Variants in RASGRF2 observed in about 807,000 individuals in gnomAD.
RASGRF2 encodes ras-specific guanine nucleotide-releasing factor 2.
In RASGRF2, 76 loss-of-function variants were observed where a neutral mutation model predicts 151.0. The ratio of observed to expected loss-of-function variants is 0.50; its 90% CI spans 0.42 to 0.61. The LOEUF is 0.61. Ranked by LOEUF, RASGRF2 falls within the 20% of genes least tolerant of loss-of-function variation. The probability of loss-of-function intolerance (pLI) is 0.00; values close to 1 mark genes in which losing one functional copy is unlikely to be tolerated. For synonymous variants in RASGRF2, 504 were observed against 566.5 expected, an observed-to-expected ratio of 0.89 and a Z score of 1.57; for missense variants, 1,148 against 1,564.6, an observed-to-expected ratio of 0.73 and a Z score of 4.49.
chr5:81,057,515 T>C (rs1266913049), intron 2 of RASGRF2, among the ~76,000 whole-genome samples: 1 of 152,192 alleles, frequency 6.6e-6, no homozygotes, highest in South Asian at 2.1e-4. Context: ...TATGGAGTGA[T>C]GGTGGTTAGG....
rs922999026 is a variant in RASGRF2 at position 81,012,368 on chromosome 5, A to G, written c.289-30509A>G. On this transcript the variant is annotated intron_variant, in intron 1 of 26. Coordinates refer to ENST00000265080, the MANE Select transcript of RASGRF2 (RefSeq NM_006909.3). ...TATCAGTAGTTATTTTTCTTGCTGA[A>G]CAGTTTTCCAGTGCATTAACATACC... 1.1e-3 allele frequency among the ~76,000 whole-genome samples: 162 copies of G among 152,166 alleles called. 2 individuals carry two copies. The highest frequency in any genetic ancestry group is 2.7e-3 in the Admixed American group (42 of 15,276).
intron 18 of RASGRF2, among the ~76,000 whole-genome samples, chr5:81,197,174 T>C (rs1354300564): frequency 6.6e-6 from 1 of 152,140 alleles, no homozygotes; most frequent in Non-Finnish European, 1.5e-5. Flanking sequence ...AGTAAAATAT[T>C]GGCCGGGCGC....
intron 16 of RASGRF2, among the ~76,000 whole-genome samples, 180 bp downstream of exon 16, chr5:81,123,947 C>T (rs1753384504): frequency 6.6e-6 from 1 of 152,344 alleles, no homozygotes; most frequent in Middle Eastern, 3.4e-3. Flanking sequence ...CCATGGGTTT[C>T]ATATCTGTGG....
At chr5:81,007,036 A>C (rs561170477) in intron 1 of RASGRF2, among the ~76,000 whole-genome samples, 1 of 152,298 alleles carries the variant, frequency 6.6e-6, no homozygotes, top group African/African-American at 2.4e-5. Context: ...AGAAGGGTAT[A>C]TAACCATTAA....
chr5:80,975,906 T>C (rs1412706398), intron 1 of RASGRF2, among the ~76,000 whole-genome samples: 1 of 149,044 alleles, frequency 6.7e-6, no homozygotes, highest in East Asian at 2.0e-4. Flanking sequence ...CAGGCTGGAG[T>C]GCAATGGCAC....
chr5:81,196,645 G>C (rs1474257793), intron 18 of RASGRF2, among the ~76,000 whole-genome samples: 4 of 104,762 alleles, frequency 3.8e-5, no homozygotes, highest in African/African-American at 1.5e-4. Context: ...GTTGAGCCCA[G>C]TATGGGGCAC....
At chr5:80,980,685 T>C (rs937048911) in intron 1 of RASGRF2, among the ~76,000 whole-genome samples, 1 of 152,124 alleles carries the variant, frequency 6.6e-6, no homozygotes, top group East Asian at 1.9e-4. Context: ...ATACCACTGA[T>C]TTCTTAGTCC....
chr5:81,011,757 A>C (rs1209715174), intron 1 of RASGRF2, among the ~76,000 whole-genome samples: 1 of 152,024 alleles, frequency 6.6e-6, no homozygotes, highest in African/African-American at 2.4e-5. Context: ...ACAAACAAAA[A>C]AAAAAAAAGG....
rs536414288 is a variant in RASGRF2, at chr5:80,987,839, C to T, written c.288+26813C>T. Reference sequence around the variant, plus strand: ...TCCTTTTTGCCTCTGTTTTTGATCACGGTGTGAAATTCTCTTCTCCCATCA... The same window carrying T: ...TCCTTTTTGCCTCTGTTTTTGATCATGGTGTGAAATTCTCTTCTCCCATCA... On this transcript the variant is annotated intron_variant, in intron 1 of 26. Coordinates refer to ENST00000265080, the MANE Select transcript of RASGRF2 (RefSeq NM_006909.3). Among the ~76,000 whole-genome samples the T allele has an allele frequency of 9.2e-5, 14 of 152,236 alleles. No individual in the cohort carries two copies. In the East Asian group the frequency reaches 1.9e-3, roughly 21 times the overall value.
At chr5:81,086,011 C>T in intron 8 of RASGRF2, 100 bp downstream of exon 8, 5 of 1,513,504 alleles carry the variant, frequency 3.3e-6, no homozygotes, top group Non-Finnish European at 4.4e-6. Flanking sequence ...AGAAGCAAAA[C>T]AAATCCAGCT....
chr5:81,190,430 C>T (rs994804623), intron 18 of RASGRF2, among the ~76,000 whole-genome samples: 8 of 152,186 alleles, frequency 5.3e-5, no homozygotes, highest in African/African-American at 1.9e-4. Flanking sequence ...GAAACTTGCA[C>T]ACTAGTTTGG....
chr5:81,073,767 C>T (rs1338795330), intron 5 of RASGRF2, among the ~76,000 whole-genome samples: 1 of 152,068 alleles, frequency 6.6e-6, no homozygotes, highest in Non-Finnish European at 1.5e-5. Context: ...TACAGGCGCC[C>T]ACCACCACAC....
intron 1 of RASGRF2, 61 bp from the exon 2 acceptor site, chr5:81,042,816 T>A: frequency 8.5e-7 from 1 of 1,178,126 alleles, no homozygotes; most frequent in Admixed American, 2.0e-5. Context: ...AGATACTGTG[T>A]TATTATGCTG....
intron 1 of RASGRF2, among the ~76,000 whole-genome samples, chr5:81,036,212 A>G (rs1561569723): frequency 1.3e-5 from 2 of 152,084 alleles, no homozygotes; most frequent in East Asian, 1.9e-4. Context: ...ATATGCTTAT[A>G]GAGGTATTTC....
At chr5:81,057,748 A>T (rs1295370502) in intron 2 of RASGRF2, among the ~76,000 whole-genome samples, 1 of 152,068 alleles carries the variant, frequency 6.6e-6, no homozygotes, top group Non-Finnish European at 1.5e-5. Flanking sequence ...TAATCCAAGC[A>T]CTTTGGGAAG....
intron 18 of RASGRF2, among the ~76,000 whole-genome samples, chr5:81,193,435 C>G (rs927059219): frequency 2.6e-4 from 40 of 152,250 alleles, no homozygotes; most frequent in African/African-American, 8.7e-4. Flanking sequence ...TAGTTCCAGG[C>G]TCTGCAACTG....
At chr5:81,124,856 C>G (rs1753407685) in intron 16 of RASGRF2, among the ~76,000 whole-genome samples, 1 of 152,174 alleles carries the variant, frequency 6.6e-6, no homozygotes, top group South Asian at 2.1e-4. Flanking sequence ...AATTATGAAA[C>G]CGGATTCACC....
chr5:81,011,047 T>C (rs1467669545), intron 1 of RASGRF2, among the ~76,000 whole-genome samples: 2 of 106,194 alleles, frequency 1.9e-5, no homozygotes, highest in Non-Finnish European at 4.0e-5. Context: ...TGTTGACATA[T>C]TTAAGATGTA....
At chr5:81,053,212 G>A (rs569278188) in intron 2 of RASGRF2, among the ~76,000 whole-genome samples, 1 of 151,414 alleles carries the variant, frequency 6.6e-6, no homozygotes, top group African/African-American at 2.4e-5. Context: ...TGCCATGTTG[G>A]TGTGCTGCAC....
Sources: allele counts gnomAD v4.1 joint callset (sites outside exome capture counted in the v4.1 genomes callset), GRCh38; gene constraint gnomAD v4.1.1; transcripts MANE v1.5; gene names NCBI Gene and HGNC (gene_info 2026-07-23, HGNC 2026-07-21).